The following GLRA2 variants were observed in gnomAD, a reference collection of about 807,000 sequenced individuals.
GLRA2 encodes glycine receptor alpha 2, also known as glycine receptor subunit alpha-2.
A neutral mutation model predicts 31.6 loss-of-function variants in GLRA2; 11 were observed. The ratio of observed to expected loss-of-function variants is 0.35; its 90% CI spans 0.22 to 0.58. The LOEUF is 0.58. Among genes scored for constraint, GLRA2 ranks in the 20% least tolerant of loss-of-function variants. The pLI is 0.84. For missense variants in GLRA2, 212 were observed against 351.8 expected, an observed-to-expected ratio of 0.60 and a Z score of 3.18; for synonymous variants, 132 against 134.0, an observed-to-expected ratio of 0.99 and a Z score of 0.10.
intron 7 of GLRA2, among the ~76,000 whole-genome samples, chrX:14,678,798 G>A (rs1193196338): frequency 9.0e-6 from 1 of 111,060 alleles, no homozygotes; most frequent in Non-Finnish European, 1.9e-5. Context: ...CCTGTAGCTT[G>A]ACAAAATAAA....
At chrX:14,494,735 G>A in the GLRA2 span, among the ~76,000 whole-genome samples, 1 of 111,638 alleles carries the variant, frequency 9.0e-6, no homozygotes, top group African/African-American at 3.2e-5. Flanking sequence ...GCAAATCTCC[G>A]AAGTCTCATG....
At chrX:14,606,979 G>A (rs1020244541) in intron 5 of GLRA2, 152 bp from the exon 6 acceptor site, 2 of 398,510 alleles carry the variant, frequency 5.0e-6, no homozygotes, top group African/African-American at 5.1e-5. Context: ...GAGTTGTAGT[G>A]ATGATTGCAG....
At chrX:14,647,379 G>T in intron 7 of GLRA2, among the ~76,000 whole-genome samples, 1 of 112,053 alleles carries the variant, frequency 8.9e-6, no homozygotes. Context: ...AGCCTTCAAA[G>T]ACAGGCAGGA....
At chrX:14,519,589 T>A in the GLRA2 span, among the ~76,000 whole-genome samples, 1 of 111,854 alleles carries the variant, frequency 8.9e-6, no homozygotes, top group Non-Finnish European at 1.9e-5. Flanking sequence ...CATTCCTGAT[T>A]AATAACATAT....
the GLRA2 span, among the ~76,000 whole-genome samples, chrX:14,466,869 A>C: frequency 1.8e-5 from 2 of 112,052 alleles, no homozygotes; most frequent in Admixed American, 1.9e-4. Context: ...GGATAGACTA[A>C]AGCCATGGAC....
chrX:14,459,956 C>G, the GLRA2 span, among the ~76,000 whole-genome samples: 1 of 111,994 alleles, frequency 8.9e-6, no homozygotes, highest in East Asian at 2.8e-4. Flanking sequence ...TGCCAGTTTT[C>G]AAAGGGAATG....
chrX:14,578,712 T>C (rs181334489), intron 3 of GLRA2, among the ~76,000 whole-genome samples: 1 of 112,183 alleles, frequency 8.9e-6, no homozygotes, highest in African/African-American at 3.2e-5. Flanking sequence ...GCAACCCCTA[T>C]TTCCTGATAT....
chrX:14,473,484 C>A, the GLRA2 span, among the ~76,000 whole-genome samples: 2 of 112,085 alleles, frequency 1.8e-5, no homozygotes, highest in Non-Finnish European at 3.8e-5. Flanking sequence ...GCACTTAATT[C>A]TGGTGGTTTT....
chrX:14,728,472 T>G (rs1253975492), intron 8 of GLRA2, among the ~76,000 whole-genome samples: 1 of 112,121 alleles, frequency 8.9e-6, no homozygotes, highest in Admixed American at 9.5e-5. Flanking sequence ...TACTAATGTA[T>G]CAAGCAAATG....
intron 2 of GLRA2, among the ~76,000 whole-genome samples, chrX:14,536,611 T>C (rs1181673923): frequency 8.9e-6 from 1 of 112,086 alleles, no homozygotes; most frequent in East Asian, 2.8e-4. Context: ...ATTGGTTCAA[T>C]TATAAATCAC....
chrX:14,642,246 G>C (rs189653300), intron 7 of GLRA2, among the ~76,000 whole-genome samples: 1 of 111,970 alleles, frequency 8.9e-6, no homozygotes, highest in East Asian at 2.8e-4. Flanking sequence ...CTCTCATTAA[G>C]TCCATCTGCC....
At chrX:14,506,743 T>C in the GLRA2 span, among the ~76,000 whole-genome samples, 23 of 111,589 alleles carry the variant, frequency 2.1e-4, no homozygotes, top group East Asian at 5.7e-4. Flanking sequence ...TGGTGCACCA[T>C]TTGGTCTCCC....
chrX:14,477,558 T>G, the GLRA2 span, among the ~76,000 whole-genome samples: 2 of 111,541 alleles, frequency 1.8e-5, no homozygotes, highest in African/African-American at 6.5e-5. Flanking sequence ...TGCTATAGTT[T>G]AGTCTGGCCT....
intron 1 of GLRA2, chrX:14,531,001 A>G: frequency 1.1e-6 from 1 of 903,678 alleles, no homozygotes; most frequent in Non-Finnish European, 1.4e-6. Flanking sequence ...CATAGTAATA[A>G]TGCTATGAAT....
At chrX:14,624,691 T>G (rs1358213223) in intron 7 of GLRA2, among the ~76,000 whole-genome samples, 2 of 112,207 alleles carry the variant, frequency 1.8e-5, no homozygotes, top group Non-Finnish European at 3.8e-5. Flanking sequence ...TGAGTTCTAA[T>G]TTGATTGCAC....
At chrX:14,640,472 G>A (rs1033868534) in intron 7 of GLRA2, among the ~76,000 whole-genome samples, 3 of 111,496 alleles carry the variant, frequency 2.7e-5, no homozygotes, top group Non-Finnish European at 5.7e-5. Context: ...ACATTAAAAT[G>A]CATAAAATGC....
chrX:14,471,896 C>T, the GLRA2 span, among the ~76,000 whole-genome samples: 39 of 112,373 alleles, frequency 3.5e-4, no homozygotes, highest in African/African-American at 1.2e-3. Flanking sequence ...GTGATTAAAA[C>T]AGAGCTACAT....
At chrX:14,702,693 G>T (rs1342724286) in intron 8 of GLRA2, among the ~76,000 whole-genome samples, 2 of 111,368 alleles carry the variant, frequency 1.8e-5, no homozygotes, top group Admixed American at 1.9e-4. Flanking sequence ...TAAAATCAAG[G>T]TATTGGCAGG....
the GLRA2 span, among the ~76,000 whole-genome samples, chrX:14,457,595 A>G: frequency 2.7e-5 from 3 of 111,958 alleles, no homozygotes; most frequent in Non-Finnish European, 5.6e-5. Context: ...AATCCAGTCT[A>G]TCATTGATGG....
Sources: gnomAD v4.1 joint callset for allele counts (sites outside exome capture counted in the v4.1 genomes callset) on GRCh38, gnomAD v4.1.1 for gene constraint, MANE v1.5 for transcripts, NCBI Gene and HGNC (gene_info 2026-07-23, HGNC 2026-07-21) for gene names.